FUOM: variants seen among roughly 807,000 people sequenced by gnomAD.
The protein encoded by FUOM is protein fucU homolog.
In FUOM, 19 loss-of-function variants were observed where a neutral mutation model predicts 18.3. The ratio of observed to expected loss-of-function variants is 1.04; its 90% CI spans 0.73 to 1.53. The LOEUF (loss-of-function observed/expected upper bound fraction) is 1.53, where lower values mean the gene tolerates loss of function less well. FUOM is among the 40% of genes most tolerant of loss of function. The probability of loss-of-function intolerance (pLI) is 0.00; values close to 1 mark genes in which losing one functional copy is unlikely to be tolerated. For missense variants in FUOM, 210 were observed against 200.9 expected, an observed-to-expected ratio of 1.04 and a Z score of -0.27; for synonymous variants, 102 against 87.9, an observed-to-expected ratio of 1.16 and a Z score of -0.90.
At chr10:133,354,214 G>A (rs1213085128), downstream of FUOM, among the ~76,000 whole-genome samples, 3 of 152,170 alleles carry the variant, frequency 2.0e-5, no homozygotes, top group African/African-American at 7.2e-5. Flanking sequence ...GCAGTGATTG[G>A]CCAGGCAAGT....
rs1848834877 is a variant in FUOM, at chr10:133,357,205, T to G, written c.136A>C (p.Met46Leu). Residue 46 changes from methionine to leucine, a missense_variant, in exon 2 of 6, where the codon ATG (methionine) becomes CTG (leucine). By Grantham distance (15) the Met-to-Leu change is conservative. Coordinates refer to ENST00000278025, the MANE Select transcript of FUOM (RefSeq NM_001098483.3). ...CGCTCACCGTCTGCACGGATCTCCA[T>G]GGGCCCACACTGGCAGATGGAGGAG... Reference protein sequence around the residue: ...PASSICQCGPMEIRADGLGIP... With the variant: ...PASSICQCGPLEIRADGLGIP... The G allele has an allele frequency of 6.3e-7, 1 of 1,579,920 alleles. No homozygotes were observed. The highest frequency in any genetic ancestry group is 1.4e-5 in the African/African-American group (1 of 73,830).
At position 133,355,335 on chromosome 10, in the gene FUOM, A is replaced by G; in HGVS notation, c.*35T>C. 6.4e-7 allele frequency: 1 copy of G among 1,567,280 alleles called. No individual in the cohort carries two copies. The highest frequency in any genetic ancestry group is 8.6e-7 in the Non-Finnish European group (1 of 1,162,702). ...TGGTACTGGAGCTCAGGGTGCCCCCAGTTCCTCTTCCGGCCCAGGTGGTCT... is the reference window on the plus strand; with the variant it reads ...TGGTACTGGAGCTCAGGGTGCCCCCGGTTCCTCTTCCGGCCCAGGTGGTCT... On this transcript the variant is annotated 3_prime_UTR_variant, in exon 6 of 6. Transcript: ENST00000278025.
chr10:133,355,438 T>G lies in FUOM; in HGVS notation c.399-2A>C. 6.2e-7 allele frequency: 1 copy of G among 1,610,110 alleles called. No individual in the cohort carries two copies. The highest frequency in any genetic ancestry group is 1.1e-5 in the South Asian group (1 of 90,764). ...AGGTTTCCGTAGAGGGCCGTCTCCCTGCAGAGGAGCCAAGCCCAGCACTGA... is the reference window on the plus strand; with the variant it reads ...AGGTTTCCGTAGAGGGCCGTCTCCCGGCAGAGGAGCCAAGCCCAGCACTGA... On this transcript the variant is annotated splice_acceptor_variant, in intron 5 of 5. Coordinates refer to ENST00000278025, the MANE Select transcript of FUOM (RefSeq NM_001098483.3). LOFTEE classifies it high-confidence loss of function.
rs754428093 is a variant in FUOM at position 133,355,381 on chromosome 10, G to A, written c.454C>T (p.Pro152Ser). 6.2e-7 allele frequency: 1 copy of A among 1,606,610 alleles called. No homozygotes were observed. Residue 152 changes from proline (P) to serine (S), a missense_variant, in exon 6 of 6, where the codon CCC (proline) becomes TCC (serine). Pro to Ser is a moderately conservative substitution (Grantham distance 74). Transcript: ENST00000278025. ...GGTCTTCACCAGGCCTACAGCAGGG[G>A]GTTGAGGGCAAGCACCCCCTTCCTG... ...ILRKGVLALNPLL is the reference protein window; with the variant it reads ...ILRKGVLALNSLL
chr10:133,355,032 A>C, downstream of FUOM: 1 of 335,958 alleles, frequency 3.0e-6, no homozygotes, highest in Non-Finnish European at 5.6e-6. Context: ...CACCCCGCCC[A>C]GTCCCCAGGG....
At chr10:133,357,827 A>C in intron 1 of FUOM, 96 bp downstream of exon 1, 1 of 999,232 alleles carries the variant, frequency 1.0e-6, no homozygotes, top group Non-Finnish European at 1.4e-6. Flanking sequence ...CCCACACCCC[A>C]GGACGCGGCC....
In FUOM at chr10:133,357,023, A is replaced by T; in HGVS notation, c.155-10T>A. 1 of 1,549,688 alleles carries T rather than the reference A, an allele frequency of 6.5e-7. No homozygotes were observed. Among genetic ancestry groups the T allele is most frequent in the Non-Finnish European group, 8.7e-7 (1 of 1,146,820 alleles). On this transcript the variant is annotated splice_polypyrimidine_tract_variant and intron_variant, in intron 2 of 5. Transcript: ENST00000278025. ...TGCGGGATGCCCAGGCCTGGAGGGC[A>T]GAGGAGGCAGCACTCAGTCTCCAGC...
chr10:133,357,368 G>T, intron 1 of FUOM, 113 bp from the exon 2 acceptor site: 1 of 1,103,722 alleles, frequency 9.1e-7, no homozygotes, highest in Non-Finnish European at 1.3e-6. Flanking sequence ...AGAGGTCTCA[G>T]GTCAGCCAGT....
intron 1 of FUOM, chr10:133,357,721 G>C: frequency 1.9e-6 from 1 of 529,558 alleles, no homozygotes; most frequent in Non-Finnish European, 3.3e-6. Context: ...GGAGAAGCTC[G>C]GGCCGGCTCC....
chr10:133,356,947 C>T lies in FUOM; in HGVS notation c.221G>A (p.Ser74Asn). ...CAGGGGCGACTCAGCCCTCACCGGACTCTCCACATAGGTGTCCAGGGGCAG... is the reference window on the plus strand; with the variant it reads ...CAGGGGCGACTCAGCCCTCACCGGATTCTCCACATAGGTGTCCAGGGGCAG... ...KLLPLDTYVE[S>N]PAAVMELVPS... Residue 74 changes from serine (S) to asparagine (N), a missense_variant, in exon 3 of 6, where the codon AGT (serine) becomes AAT (asparagine). Physicochemically the swap from Ser to Asn is conservative, Grantham distance 46. Coordinates refer to ENST00000278025, the MANE Select transcript of FUOM (RefSeq NM_001098483.3). 1.3e-6 allele frequency: 2 copies of T among 1,550,288 alleles called. No homozygotes were observed.
downstream of FUOM, among the ~76,000 whole-genome samples, chr10:133,353,362 A>G (rs915494471): frequency 6.6e-6 from 1 of 152,156 alleles, no homozygotes; most frequent in African/African-American, 2.4e-5. Flanking sequence ...CACACACCGC[A>G]TGTGTCCTGG....
At position 133,357,230 on chromosome 10, in the gene FUOM, G is replaced by A. The variant is rs1482002549; in HGVS notation, c.111C>T (p.Ala37=). 8.2e-6 allele frequency: 13 copies of A among 1,582,182 alleles called. No homozygotes were observed. The highest frequency in any genetic ancestry group is 4.6e-5 in the South Asian group (4 of 86,492). ...EIVLADLNFP[A]SSICQCGPME... is the part of the protein sequence containing the mutation. ...TGGGCCCACACTGGCAGATGGAGGA[G>A]GCCGGGAAGTTCAAGTCCGCAAGAA... The change falls in exon 2 of 6, where the codon GCC becomes GCT. Residue 37 remains alanine, a synonymous_variant. Coordinates refer to ENST00000278025, the MANE Select transcript of FUOM (RefSeq NM_001098483.3).
Position 133,357,107 on chromosome 10 carries a change from G to T in FUOM, c.154+80C>A. 2.0e-6 allele frequency: 3 copies of T among 1,538,332 alleles called. No individual in the cohort carries two copies. In the South Asian group the frequency reaches 3.6e-5, roughly 18 times the overall value. The stretch of plus-strand genomic sequence containing the variant: ...ACTGCAAGCATGGACTTGGGGCCAC[G>T]GCAGGCCACAGAGGAGCCTCAGAGC... On this transcript the variant is annotated intron_variant, in intron 2 of 5. Transcript: ENST00000278025.
intron 5 of FUOM, 127 bp downstream of exon 5, chr10:133,355,611 G>T: frequency 6.4e-7 from 1 of 1,572,348 alleles, no homozygotes. Flanking sequence ...TCTGTGGGAC[G>T]TCTAGCCTCA....
chr10:133,357,835 G>A lies in FUOM; in HGVS notation c.85+88C>T, dbSNP rs1176258998. 7 of 1,109,460 alleles carry A rather than the reference G, an allele frequency of 6.3e-6. No individual in the cohort carries two copies. The African/African-American group carries it at 1.1e-4, about 18-fold the overall frequency. The allele number at this position is 1,109,460 out of a possible 1,614,324, so 68.7% of individuals were successfully genotyped here. A position where few individuals can be genotyped will look rare whatever the true frequency, so the allele number is the denominator to read the frequency against. On this transcript the variant is annotated intron_variant, in intron 1 of 5. Coordinates refer to ENST00000278025, the MANE Select transcript of FUOM (RefSeq NM_001098483.3). ...AGCAACGCCCACACCCCAGGACGCG[G>A]CCCTTCCCGGCCCGGGGGTCCCCGT...
chr10:133,356,938 C>T lies in FUOM; in HGVS notation c.225+5G>A. ...AGCAGGGTGCAGGGGCGACTCAGCC[C>T]TCACCGGACTCTCCACATAGGTGTC... On this transcript the variant is annotated splice_donor_5th_base_variant and intron_variant, in intron 3 of 5. Transcript: ENST00000278025. 1 of 1,550,142 alleles carries T rather than the reference C, an allele frequency of 6.5e-7. No homozygotes were observed. The highest frequency in any genetic ancestry group is 8.7e-7 in the Non-Finnish European group (1 of 1,146,818).
chr10:133,353,904 C>T (rs1339359467), downstream of FUOM, among the ~76,000 whole-genome samples: 3 of 151,832 alleles, frequency 2.0e-5, no homozygotes, highest in Non-Finnish European at 2.9e-5. Flanking sequence ...AGGTAGAAGA[C>T]CCTGGATCTC....
At position 133,356,720 on chromosome 10, in the gene FUOM, C is replaced by T. The variant is rs1385378827; in HGVS notation, c.244G>A (p.Val82Met). The T allele has an allele frequency of 1.9e-6, 3 of 1,594,332 alleles. No homozygotes were observed. The highest frequency in any genetic ancestry group is 2.6e-6 in the Non-Finnish European group (3 of 1,169,804). Reference sequence around the variant, plus strand: ...AGGCCCCTCTCCTTGTCGCTGGGCACCAGCTCCATGACTGCAGCCTAGAGG... The same window carrying T: ...AGGCCCCTCTCCTTGTCGCTGGGCATCAGCTCCATGACTGCAGCCTAGAGG... ...VESPAAVMEL[V>M]PSDKERGLQT... The change falls in exon 4 of 6, where the codon GTG (valine) becomes ATG (methionine). Residue 82 changes from valine to methionine, a missense_variant. By Grantham distance (21) the Val-to-Met change is conservative. Transcript: ENST00000278025.
rs967777331 is a variant in FUOM, at chr10:133,356,028, C to T, written c.325-217G>A. Among the ~76,000 whole-genome samples, 6 of 152,210 alleles carry T rather than the reference C, an allele frequency of 3.9e-5. No homozygotes were observed. In the South Asian group the frequency reaches 1.2e-3, roughly 32 times the overall value. ...CATGGTGGACGAGGAACCTGCCATGCTTGGGTCTCTGCCTGACCTGGGGCC... is the reference window on the plus strand; with the variant it reads ...CATGGTGGACGAGGAACCTGCCATGTTTGGGTCTCTGCCTGACCTGGGGCC... On this transcript the variant is annotated intron_variant, in intron 4 of 5. Coordinates refer to ENST00000278025, the MANE Select transcript of FUOM (RefSeq NM_001098483.3).
Sources: allele counts gnomAD v4.1 joint callset (sites outside exome capture counted in the v4.1 genomes callset), GRCh38; gene constraint gnomAD v4.1.1; transcripts MANE v1.5; gene names NCBI Gene and HGNC (gene_info 2026-07-23, HGNC 2026-07-21).